The following SAMTOR variants were observed in gnomAD, a reference collection of about 807,000 sequenced individuals.
SAMTOR encodes the protein S-adenosylmethionine sensor upstream of mTORC1, also known as UPF0532 protein C7orf60.
chr7:112,832,477 C>T, the SAMTOR span: 1 of 773,170 alleles, frequency 1.3e-6, no homozygotes, highest in Non-Finnish European at 2.3e-6. Flanking sequence ...AATACATTTG[C>T]TATTTTAGGG....
chr7:112,878,541 T>C, the SAMTOR span, among the ~76,000 whole-genome samples: 1 of 152,248 alleles, frequency 6.6e-6, no homozygotes, highest in African/African-American at 2.4e-5. Context: ...GGAAGTTATC[T>C]ATCAGAAAGT....
At chr7:112,880,749 TTTGA>T in the SAMTOR span, among the ~76,000 whole-genome samples, 1 of 152,218 alleles carries the variant, frequency 6.6e-6, no homozygotes, top group African/African-American at 2.4e-5. Context: ...TGTATATATA[TTTGA>T]TTAATATACA....
the SAMTOR span, among the ~76,000 whole-genome samples, chr7:112,893,005 AT>A: frequency 7.7e-4 from 117 of 152,306 alleles, no homozygotes; most frequent in African/African-American, 2.7e-3. Flanking sequence ...TCCGTAAACT[AT>A]TCTTTAAACA....
chr7:112,880,159 T>C, the SAMTOR span, among the ~76,000 whole-genome samples: 5 of 152,178 alleles, frequency 3.3e-5, no homozygotes, highest in African/African-American at 4.8e-5. Flanking sequence ...AGTCACATTA[T>C]AGAAACCTGG....
the SAMTOR span, among the ~76,000 whole-genome samples, chr7:112,918,464 G>C: frequency 6.6e-6 from 1 of 152,134 alleles, no homozygotes; most frequent in African/African-American, 2.4e-5. Context: ...ACATGGAAAG[G>C]AACAACCACT....
At chr7:112,857,972 C>T in the SAMTOR span, among the ~76,000 whole-genome samples, 1 of 152,162 alleles carries the variant, frequency 6.6e-6, no homozygotes, top group East Asian at 1.9e-4. Flanking sequence ...CTGGGATGCA[C>T]AATATGGCTG....
the SAMTOR span, among the ~76,000 whole-genome samples, chr7:112,892,927 T>C: frequency 6.6e-6 from 1 of 152,154 alleles, no homozygotes; most frequent in African/African-American, 2.4e-5. Context: ...ACATTATCAA[T>C]GGGCAGTAAT....
chr7:112,915,425 C>T, the SAMTOR span: 1 of 1,599,182 alleles, frequency 6.3e-7, no homozygotes, highest in Non-Finnish European at 8.5e-7. Context: ...AGTGTTCTCG[C>T]CAGATCTTAT....
the SAMTOR span, chr7:112,819,921 A>G: frequency 6.6e-6 from 1 of 152,526 alleles, no homozygotes; most frequent in Admixed American, 6.5e-5. Context: ...ATAGTTCAAA[A>G]GAGTTCTGTA....
chr7:112,939,820 T>G, the SAMTOR span: 1 of 1,270,362 alleles, frequency 7.9e-7, no homozygotes, highest in African/African-American at 1.5e-5. Flanking sequence ...GGAGGTGGGG[T>G]AGGAGGAGGG....
At chr7:112,914,131 CATT>C in the SAMTOR span, among the ~76,000 whole-genome samples, 2 of 151,926 alleles carry the variant, frequency 1.3e-5, no homozygotes, top group Non-Finnish European at 2.9e-5. Flanking sequence ...ATGAAATATG[CATT>C]ATTACAGTTT....
the SAMTOR span, among the ~76,000 whole-genome samples, chr7:112,848,136 G>C: frequency 6.6e-6 from 1 of 152,114 alleles, no homozygotes; most frequent in African/African-American, 2.4e-5. Flanking sequence ...CTGGGCAACA[G>C]AGTGAGACTC....
the SAMTOR span, among the ~76,000 whole-genome samples, chr7:112,882,532 T>C: frequency 6.6e-6 from 1 of 151,616 alleles, no homozygotes; most frequent in Admixed American, 6.6e-5. Flanking sequence ...CTACTAAATA[T>C]AAAAAAATTA....
chr7:112,836,604 C>T, the SAMTOR span, among the ~76,000 whole-genome samples: 2 of 151,872 alleles, frequency 1.3e-5, no homozygotes, highest in Non-Finnish European at 2.9e-5. Context: ...TCTAGTTTAA[C>T]ATTTAAGTCT....
the SAMTOR span, among the ~76,000 whole-genome samples, chr7:112,887,827 CCTAT>C: frequency 1.3e-5 from 2 of 151,874 alleles, no homozygotes; most frequent in African/African-American, 4.8e-5. Flanking sequence ...TAATTTGTAT[CCTAT>C]CTCTTTTCGT....
chr7:112,822,239 A>G, the SAMTOR span: 5 of 1,613,672 alleles, frequency 3.1e-6, no homozygotes, highest in East Asian at 2.2e-5. Context: ...GAGAGAAAAC[A>G]ACCACATGGA....
the SAMTOR span, among the ~76,000 whole-genome samples, chr7:112,888,071 T>A: frequency 6.6e-6 from 1 of 152,310 alleles, no homozygotes; most frequent in East Asian, 1.9e-4. Context: ...CAATGCTACA[T>A]ATTTCCCTCT....
chr7:112,822,113 C>T, the SAMTOR span: 4 of 1,613,664 alleles, frequency 2.5e-6, no homozygotes, highest in African/African-American at 4.0e-5. Context: ...CATGACGGTT[C>T]TGATGGGAGG....
chr7:112,836,462 G>A, the SAMTOR span, among the ~76,000 whole-genome samples: 1 of 152,058 alleles, frequency 6.6e-6, no homozygotes, highest in Non-Finnish European at 1.5e-5. Flanking sequence ...CTGTTGCTGT[G>A]CAGAAGCTCT....
Sources: gnomAD v4.1 joint callset for allele counts (sites outside exome capture counted in the v4.1 genomes callset) on GRCh38, gnomAD v4.1.1 for gene constraint, MANE v1.5 for transcripts, NCBI Gene and HGNC (gene_info 2026-07-23, HGNC 2026-07-21) for gene names.